Variants in PIGO observed in about 807,000 individuals in gnomAD.
PIGO encodes the protein GPI ethanolamine phosphate transferase 3, catalytic subunit.
In PIGO, 66 loss-of-function variants were observed where a neutral mutation model predicts 86.9. The ratio of observed to expected loss-of-function variants is 0.76; its 90% confidence interval spans 0.62 to 0.93. PIGO has a LOEUF of 0.93. PIGO is among the 40% of genes least tolerant of loss of function. The probability of loss-of-function intolerance (pLI) is 0.00; values close to 1 mark genes in which losing one functional copy is unlikely to be tolerated. For synonymous variants in PIGO, 570 were observed against 556.4 expected (o/e 1.02, Z -0.34); for missense variants, 1,202 against 1,359.1 (o/e 0.88, Z 1.82).
chr9:35,088,951 C>T lies in PIGO; in HGVS notation c.*141G>A. 2 of 1,162,216 alleles carry T rather than the reference C, an allele frequency of 1.7e-6. No individual in the cohort carries two copies. The highest frequency in any genetic ancestry group is 2.4e-5 in the East Asian group (1 of 41,990). The allele number at this position is 1,162,216 out of a possible 1,614,324, so 72.0% of individuals were successfully genotyped here. ...GTCCTGAATTATAGAATAATGAAGT[C>T]CTAGATGTCAGCGGCCCCTGGCTGC... On this transcript the variant is annotated 3_prime_UTR_variant, in exon 11 of 11. Transcript: ENST00000378617.
chr9:35,094,449 A>G, intron 2 of PIGO, 90 bp from the exon 3 acceptor site: 1 of 1,447,744 alleles, frequency 6.9e-7, no homozygotes, highest in Non-Finnish European at 9.3e-7. Context: ...ACCCATCAGA[A>G]GTCCCAACCA....
At position 35,091,504 on chromosome 9, in the gene PIGO, A is replaced by G. The variant is rs760038249; in HGVS notation, c.2383T>C (p.Tyr795His). The change falls in exon 7 of 11, where the codon TAT (tyrosine) becomes CAT (histidine). Residue 795 changes from tyrosine to histidine, a missense_variant. By Grantham distance (83) the Tyr-to-His change is moderately conservative. Coordinates refer to ENST00000378617, the MANE Select transcript of PIGO (RefSeq NM_032634.4). ...TGTCGGTAGATTTGAGGGACCACAT[A>G]ATCCAAGTCAGCTTGAGAAGTGGGG... ...GPPTSQADLD[Y>H]VVPQIYRHMQ... is the part of the protein sequence containing the mutation. 41 of 1,614,082 alleles carry G rather than the reference A, an allele frequency of 2.5e-5. No individual in the cohort carries two copies. The highest frequency in any genetic ancestry group is 8.3e-5 in the Admixed American group (5 of 60,000).
rs757441073 is a variant in PIGO, at chr9:35,095,211, G to A, written c.355C>T (p.Arg119Trp). The change falls in exon 2 of 11, where the codon CGG (arginine) becomes TGG (tryptophan). Residue 119 changes from arginine (R) to tryptophan (W), a missense_variant. Arg to Trp is a moderately radical substitution (Grantham distance 101). Transcript: ENST00000378617. Reference protein sequence around the residue: ...RILEIQPHHARLYRSQVDPPT... With the variant: ...RILEIQPHHAWLYRSQVDPPT... ...GGGTCAACCTGAGATCGGTAGAGCC[G>A]GGCATGGTGGGGCTGAATCTCCAGG... 3.7e-6 allele frequency: 6 copies of A among 1,614,166 alleles called. No individual in the cohort carries two copies. The highest frequency in any genetic ancestry group is 3.3e-5 in the Admixed American group (2 of 60,020).
At chr9:35,092,812 A>G (rs1434374807) in intron 6 of PIGO, 45 bp from the exon 7 acceptor site, 1 of 1,518,854 alleles carries the variant, frequency 6.6e-7, no homozygotes, top group Non-Finnish European at 8.9e-7. Flanking sequence ...GGTCAGAGAC[A>G]TAAATTGGGG....
In PIGO at chr9:35,091,429, GACCCTGAGATTTGGTC is replaced by G. The variant is rs1460165646; in HGVS notation, c.2442_2457del (p.Arg814SerfsTer3). 6.2e-7 allele frequency: 1 copy of G among 1,614,226 alleles called. No homozygotes were observed. The highest frequency in any genetic ancestry group is 1.3e-5 in the African/African-American group (1 of 75,056). On this transcript the variant is annotated frameshift_variant, in exon 7 of 11. Coordinates refer to ENST00000378617, the MANE Select transcript of PIGO (RefSeq NM_032634.4). LOFTEE classifies it high-confidence loss of function. The stretch of plus-strand genomic sequence containing the variant: ...AACTGATAAGCAGCCACAGTCAGGG[GACCCTGAGATTTGGTC>G]CTCTCTAACCGGCCCCGGAACTCCT...
intron 9 of PIGO, 180 bp downstream of exon 9, chr9:35,089,886 G>C: frequency 7.0e-7 from 1 of 1,428,100 alleles, no homozygotes; most frequent in Non-Finnish European, 9.2e-7. Context: ...TCCAGGACTA[G>C]GATTAAGGAG....
Position 35,092,778 on chromosome 9 carries a change from A to C in PIGO, c.1120-11T>G. On this transcript the variant is annotated splice_polypyrimidine_tract_variant and intron_variant, in intron 6 of 10. Transcript: ENST00000378617. The stretch of plus-strand genomic sequence containing the variant: ...AAGAAATCGGGACACCTGGCAGAGA[A>C]AAGGTCAGAGGCCAAGGGGAACAGG... 1 of 1,596,876 alleles carries C rather than the reference A, an allele frequency of 6.3e-7. No individual in the cohort carries two copies. Among genetic ancestry groups the C allele is most frequent in the Non-Finnish European group, 8.5e-7 (1 of 1,172,786 alleles).
Position 35,089,187 on chromosome 9 carries a change from T to A in PIGO, c.3175A>T (p.Ser1059Cys). 6.2e-7 allele frequency: 1 copy of A among 1,614,222 alleles called. No homozygotes were observed. Among genetic ancestry groups the A allele is most frequent in the Non-Finnish European group, 8.5e-7 (1 of 1,180,052 alleles). The stretch of plus-strand genomic sequence containing the variant: ...GCTATGCCCAGGAGAAGTCCCACGC[T>A]GCTCACAATGAAGCCCACAGCCTCA... Reference protein sequence around the residue: ...IFEAVGFIVSSVGLLLGIALV... With the variant: ...IFEAVGFIVSCVGLLLGIALV... Residue 1059 changes from serine (S) to cysteine (C), a missense_variant, in exon 11 of 11, where the codon AGC becomes TGC. Physicochemically the swap from Ser to Cys is moderately radical, Grantham distance 112. Transcript: ENST00000378617.
chr9:35,093,341 T>C (rs1488227812), intron 5 of PIGO, 80 bp downstream of exon 5: 1 of 1,595,396 alleles, frequency 6.3e-7, no homozygotes. Flanking sequence ...GGGCCTAAAA[T>C]AGAGGTATTC....
At position 35,091,697 on chromosome 9, in the gene PIGO, G is replaced by A. The variant is rs1466249712; in HGVS notation, c.2190C>T (p.Pro730=). ...CCCCAGAGACCAGGACCCGGAGACG[G>A]GGGGGAGCCTCATCTGCCCCCGACG... ...ALASGADEAP[P]RLRVLVSGAS... is the part of the protein sequence containing the mutation. The change falls in exon 7 of 11, where the codon CCC becomes CCT. Residue 730 remains proline (P), a synonymous_variant. Transcript: ENST00000378617. The A allele has an allele frequency of 1.2e-6, 2 of 1,612,582 alleles. No homozygotes were observed. Among genetic ancestry groups the A allele is most frequent in the East Asian group, 4.5e-5 (2 of 44,878 alleles).
chr9:35,091,833 C>G lies in PIGO; in HGVS notation c.2054G>C (p.Arg685Pro). 1 of 1,613,954 alleles carries G rather than the reference C, an allele frequency of 6.2e-7. No homozygotes were observed. The highest frequency in any genetic ancestry group is 8.5e-7 in the Non-Finnish European group (1 of 1,180,040). ...AALVALLAAVRLWLRRYGNLK... is the reference protein window; with the variant it reads ...AALVALLAAVPLWLRRYGNLK... Reference sequence around the variant, plus strand: ...ATTACCATAGCGGCGAAGCCACAAGCGCACGGCAGCTAACAGGGCCACCAG... The same window carrying G: ...ATTACCATAGCGGCGAAGCCACAAGGGCACGGCAGCTAACAGGGCCACCAG... Residue 685 changes from arginine to proline, a missense_variant, in exon 7 of 11, where the codon CGC becomes CCC. Coordinates refer to ENST00000378617, the MANE Select transcript of PIGO (RefSeq NM_032634.4).
At position 35,088,896 on chromosome 9, in the gene PIGO, A is replaced by C; in HGVS notation, c.*196T>G. ...CCCCTTGTCCCTCAGATGCATCCAA[A>C]TCAGGAGTTAGGGATCATACTCCAC... On this transcript the variant is annotated 3_prime_UTR_variant, in exon 11 of 11. Coordinates refer to ENST00000378617, the MANE Select transcript of PIGO (RefSeq NM_032634.4). The C allele has an allele frequency of 1.4e-6, 1 of 740,408 alleles. No individual in the cohort carries two copies. Among genetic ancestry groups the C allele is most frequent in the South Asian group, 1.9e-5 (1 of 52,494 alleles). 45.9% of individuals were successfully genotyped at this position (740,408 alleles called of 1,614,324 possible). A position where few individuals can be genotyped will look rare whatever the true frequency, so the allele number is the denominator to read the frequency against.
rs747769076 is a variant in PIGO at position 35,090,662 on chromosome 9, A to G, written c.2658T>C (p.Thr886=). The G allele has an allele frequency of 1.2e-6, 2 of 1,613,964 alleles. No individual in the cohort carries two copies. Among genetic ancestry groups the G allele is most frequent in the Non-Finnish European group, 1.7e-6 (2 of 1,179,926 alleles). Residue 886 remains threonine (T), a synonymous_variant, in exon 8 of 11, where the codon ACT becomes ACC. Transcript: ENST00000378617. ...AAGCCGAGACTGCCTGCCATGGCAC[A>G]GTAAAAGGACCTGGAAGAAAAGATA... The part of the protein sequence containing the change: ...GIPVTTPGPF[T]VPWQAVSAWA...
At chr9:35,089,825 T>G (rs1406030781) in intron 9 of PIGO, 3 of 1,403,298 alleles carry the variant, frequency 2.1e-6, no homozygotes, top group African/African-American at 1.4e-5. Flanking sequence ...GATAGAGTAA[T>G]CCTCAAATGC....
chr9:35,091,773 C>G lies in PIGO; in HGVS notation c.2114G>C (p.Arg705Pro), dbSNP rs761836966. The G allele has an allele frequency of 6.2e-7, 1 of 1,612,330 alleles. No homozygotes were observed. Among genetic ancestry groups the G allele is most frequent in the African/African-American group, 1.3e-5 (1 of 75,068 alleles). Reference sequence around the variant, plus strand: ...CAATGCCATTAGGGGCAGTCCCCAGCGCACAAAGAGCATGGGTGGCTCGGG... The same window carrying G: ...CAATGCCATTAGGGGCAGTCCCCAGGGCACAAAGAGCATGGGTGGCTCGGG... ...KSPEPPMLFV[R>P]WGLPLMALGT... The change falls in exon 7 of 11, where the codon CGC becomes CCC. Residue 705 changes from arginine (R) to proline (P), a missense_variant. Physicochemically the swap from Arg to Pro is moderately radical, Grantham distance 103. Transcript: ENST00000378617.
At position 35,093,558 on chromosome 9, in the gene PIGO, T is replaced by C; in HGVS notation, c.802A>G (p.Asn268Asp). The C allele has an allele frequency of 6.2e-7, 1 of 1,612,994 alleles. No homozygotes were observed. The highest frequency in any genetic ancestry group is 1.7e-4 in the Middle Eastern group (1 of 5,992). The change falls in exon 5 of 11, where the codon AAT becomes GAT. Residue 268 changes from asparagine (N) to aspartate (D), a missense_variant. Transcript: ENST00000378617. ...VIQGLVERLE[N>D]DTLLVVAGDH... The stretch of plus-strand genomic sequence containing the variant: ...CCAGCCACTACCAGCAGTGTGTCAT[T>C]CTCCAGACGCTCCACAAGTCCCCTG...
intron 9 of PIGO, chr9:35,089,775 A>C (rs1333387217): frequency 4.3e-6 from 6 of 1,390,168 alleles, no homozygotes; most frequent in Non-Finnish European, 5.6e-6. Context: ...TTTGGGAAGA[A>C]AATCCTGGCT....
rs1382306278 is a variant in PIGO at position 35,091,885 on chromosome 9, A to G, written c.2002T>C (p.Leu668=). Reference sequence around the variant, plus strand: ...GCCGCCACACAAGCTCCATACCACAAATTCTTGGCTCGACCACCCACCATG... The same window carrying G: ...GCCGCCACACAAGCTCCATACCACAGATTCTTGGCTCGACCACCCACCATG... ...ASMVGGRAKN[L]WYGACVAALV... Residue 668 remains leucine, a synonymous_variant, in exon 7 of 11, where the codon TTG becomes CTG. Coordinates refer to ENST00000378617, the MANE Select transcript of PIGO (RefSeq NM_032634.4). 6.2e-7 allele frequency: 1 copy of G among 1,613,972 alleles called. No homozygotes were observed. Among genetic ancestry groups the G allele is most frequent in the Non-Finnish European group, 8.5e-7 (1 of 1,180,008 alleles).
intron 7 of PIGO, 149 bp from the exon 8 acceptor site, chr9:35,090,821 C>G: frequency 1.3e-6 from 1 of 754,066 alleles, no homozygotes; most frequent in Non-Finnish European, 2.1e-6. Context: ...AGTCAACATT[C>G]TGTTATTCTA....
Sources: gnomAD v4.1 joint callset for allele counts on GRCh38, gnomAD v4.1.1 for gene constraint, MANE v1.5 for transcripts, NCBI Gene and HGNC (gene_info 2026-07-23, HGNC 2026-07-21) for gene names.